ALG1L2: variants seen among roughly 807,000 people sequenced by gnomAD.
The protein encoded by ALG1L2 is putative glycosyltransferase ALG1L2.
ALG1L2 carries 32 observed loss-of-function variants against 29.0 expected under a neutral mutation model. The ratio of observed to expected loss-of-function variants is 1.10; its 90% CI spans 0.83 to 1.48. The LOEUF is 1.48. Ranked by LOEUF, ALG1L2 falls within the 40% of genes most tolerant of loss-of-function variation. The pLI is 0.00. For synonymous variants in ALG1L2, 110 were observed against 109.5 expected, an observed-to-expected ratio of 1.00 and a Z score of -0.03; for missense variants, 318 against 274.1, an observed-to-expected ratio of 1.16 and a Z score of -1.13.
chr3:130,094,042 T>G, intron 4 of ALG1L2: 1 of 289,102 alleles, frequency 3.5e-6, no homozygotes, highest in Non-Finnish European at 6.8e-6. Flanking sequence ...GCCCTGTGGT[T>G]TGGGGGCTGT....
chr3:130,095,583 C>T (rs903712010), intron 5 of ALG1L2, among the ~76,000 whole-genome samples: 1 of 151,682 alleles, frequency 6.6e-6, no homozygotes, highest in Admixed American at 6.6e-5. Flanking sequence ...ATTACAGGCA[C>T]CTGCCATGAC....
intron 2 of ALG1L2, chr3:130,091,776 C>A (rs1935019120): frequency 1.6e-6 from 1 of 607,948 alleles, no homozygotes; most frequent in African/African-American, 1.8e-5. Context: ...GGTCCACATA[C>A]CCTGAGGTGT....
At chr3:130,089,557 A>G (rs1934964411) in intron 1 of ALG1L2, 1 of 107,188 alleles carries the variant, frequency 9.3e-6, no homozygotes, top group Admixed American at 9.6e-5. Context: ...ATGTTGAAAT[A>G]ATAATATTTT....
At chr3:130,091,827 C>T in intron 2 of ALG1L2, 1 of 672,168 alleles carries the variant, frequency 1.5e-6, no homozygotes, top group Non-Finnish European at 2.7e-6. Flanking sequence ...GGCGTCCTAG[C>T]ACCCTCATCT....
At chr3:130,086,506 C>A (rs77154022) in intron 1 of ALG1L2, among the ~76,000 whole-genome samples, 1 of 149,780 alleles carries the variant, frequency 6.7e-6, no homozygotes, top group Non-Finnish European at 1.5e-5. Flanking sequence ...GTCTCTACAA[C>A]AACTAAACTA....
intron 2 of ALG1L2, 49 bp from the exon 3 acceptor site, chr3:130,092,051 TC>T (rs1265358170): frequency 1.2e-6 from 2 of 1,603,306 alleles, no homozygotes; most frequent in African/African-American, 2.7e-5. Context: ...CCGTTCTGGG[TC>T]CTGGGCCTGC....
At chr3:130,092,045 T>C (rs1489132990) in intron 2 of ALG1L2, 56 bp from the exon 3 acceptor site, 27 of 1,600,904 alleles carry the variant, frequency 1.7e-5, no homozygotes, top group East Asian at 2.3e-5. Context: ...AGATGCCCGT[T>C]CTGGGTCCTG....
rs568221197 is a variant in ALG1L2, at chr3:130,091,350, C to T, written c.110C>T (p.Thr37Met). ...CGGCTCTTCATGAAGCTGGGCAGCA[C>T]GCACTCTCCGTTCAGGGCCCGGTAG... ...QHRLFMKLGS[T>M]HSPFRARSEP... Residue 37 changes from threonine to methionine, a missense_variant, in exon 2 of 8, where the codon ACG becomes ATG. Transcript: ENST00000425059. 120 of 1,597,222 alleles carry T rather than the reference C, an allele frequency of 7.5e-5. No individual in the cohort carries two copies. Among genetic ancestry groups the T allele is most frequent in the East Asian group, 6.7e-5 (3 of 44,888 alleles).
At chr3:130,092,727 G>C (rs985268844) in intron 3 of ALG1L2, among the ~76,000 whole-genome samples, 4 of 152,162 alleles carry the variant, frequency 2.6e-5, no homozygotes, top group Admixed American at 1.3e-4. Flanking sequence ...TCTGGCTACT[G>C]TTTATTTAAA....
chr3:130,094,881 C>G (rs1410160491), intron 5 of ALG1L2, among the ~76,000 whole-genome samples: 1 of 152,230 alleles, frequency 6.6e-6, no homozygotes, highest in East Asian at 1.9e-4. Flanking sequence ...CGTCGCCTCA[C>G]CAGTGAGATG....
intron 4 of ALG1L2, 91 bp from the exon 5 acceptor site, chr3:130,094,312 G>C: frequency 6.7e-7 from 1 of 1,486,450 alleles, no homozygotes; most frequent in East Asian, 2.3e-5. Context: ...TCTGGGAAAA[G>C]GATCCCTCCT....
intron 4 of ALG1L2, chr3:130,094,054 C>T (rs1935077343): frequency 3.2e-6 from 1 of 310,076 alleles, no homozygotes; most frequent in Non-Finnish European, 6.3e-6. Flanking sequence ...GGGGGCTGTG[C>T]CAGGGCAGAG....
At chr3:130,084,343 C>G (rs1195886070) in intron 1 of ALG1L2, among the ~76,000 whole-genome samples, 1 of 147,554 alleles carries the variant, frequency 6.8e-6, no homozygotes, top group Middle Eastern at 3.4e-3. Context: ...AGAGATGGGA[C>G]AGCAAAGAAG....
Position 130,081,919 on chromosome 3 carries a change from G to T in ALG1L2, c.-98G>T, listed in dbSNP as rs1442236804. ...CAAAGGCTCAGAGGGAGCTTCTCCAGGATCAGCAGAGCTCGATTGTAGGGT... is the reference window on the plus strand; with the variant it reads ...CAAAGGCTCAGAGGGAGCTTCTCCATGATCAGCAGAGCTCGATTGTAGGGT... On this transcript the variant is annotated 5_prime_UTR_variant, in exon 1 of 8. The change creates a new upstream start codon in the 5' untranslated region. Coordinates refer to ENST00000425059, the MANE Select transcript of ALG1L2 (RefSeq NM_001136152.1). 1 of 1,389,418 alleles carries T rather than the reference G, an allele frequency of 7.2e-7. No individual in the cohort carries two copies. 86.1% of individuals were successfully genotyped at this position (1,389,418 alleles called of 1,614,324 possible).
Position 130,093,123 on chromosome 3 carries a change from C to A in ALG1L2, c.276C>A (p.Asp92Glu), listed in dbSNP as rs558997184. 6.2e-7 allele frequency: 1 copy of A among 1,609,142 alleles called. No individual in the cohort carries two copies. Among genetic ancestry groups the A allele is most frequent in the Non-Finnish European group, 8.5e-7 (1 of 1,178,772 alleles). Residue 92 changes from aspartate to glutamate, a missense_variant, in exon 4 of 8, where the codon GAC becomes GAA. Physicochemically the swap from Asp to Glu is conservative, Grantham distance 45. Transcript: ENST00000425059. ...SWTEFEQLTL[D>E]GQNLPSLVCV... ...CAGAGTTTGAACAACTGACTCTTGA[C>A]GGACAGAACCTTCCTTCTCTCGTCT... is the stretch of plus-strand genomic sequence containing the variant.
chr3:130,093,925 G>T, intron 4 of ALG1L2: 1 of 209,766 alleles, frequency 4.8e-6, no homozygotes, highest in Non-Finnish European at 9.8e-6. Context: ...GGACTGGTTT[G>T]GAACCCGCGC....
chr3:130,097,057 A>C (rs1577331118), intron 6 of ALG1L2, 118 bp from the exon 7 acceptor site: 8 of 1,508,552 alleles, frequency 5.3e-6, no homozygotes, highest in South Asian at 3.8e-5. Context: ...GAAGCCACAC[A>C]CCCTGTTCCA....
At chr3:130,094,115 C>A in intron 4 of ALG1L2, 1 of 460,858 alleles carries the variant, frequency 2.2e-6, no homozygotes, top group Non-Finnish European at 4.0e-6. Flanking sequence ...TGGGCCCACC[C>A]AGTGGGTGGT....
chr3:130,096,535 T>TTTTC (rs1169747596), intron 6 of ALG1L2, among the ~76,000 whole-genome samples: 1 of 152,012 alleles, frequency 6.6e-6, no homozygotes, highest in Non-Finnish European at 1.5e-5. Context: ...GCTTACATGG[T>TTTTC]TTTCTTTGTT....
Sources: gnomAD v4.1 joint callset for allele counts (sites outside exome capture counted in the v4.1 genomes callset) on GRCh38, gnomAD v4.1.1 for gene constraint, MANE v1.5 for transcripts, NCBI Gene and HGNC (gene_info 2026-07-23, HGNC 2026-07-21) for gene names.